The following ANO2 variants were observed in gnomAD, a reference collection of about 807,000 sequenced individuals.
ANO2 encodes anoctamin 2, also known as anoctamin-2.
In ANO2, 101 loss-of-function variants were observed where a neutral mutation model predicts 124.2. The observed-to-expected ratio is 0.81, with a 90% CI of 0.69 to 0.96. ANO2 has a LOEUF of 0.96. Among genes scored for constraint, ANO2 ranks in the 40% least tolerant of loss-of-function variants. ANO2 has a pLI of 0.00. For missense variants in ANO2, 1,293 were observed against 1,274.5 expected (o/e 1.01, Z -0.22); for synonymous variants, 486 against 482.5 (o/e 1.01, Z -0.09).
intron 7 of ANO2, among the ~76,000 whole-genome samples, chr12:5,813,694 G>A (rs1031082523): frequency 1.3e-5 from 2 of 152,002 alleles, no homozygotes; most frequent in Admixed American, 6.5e-5. Flanking sequence ...CGGACATCAC[G>A]CAACCCCAAG....
At chr12:5,734,943 C>G (rs1471195380) in intron 13 of ANO2, among the ~76,000 whole-genome samples, 1 of 152,346 alleles carries the variant, frequency 6.6e-6, no homozygotes, top group South Asian at 2.1e-4. Flanking sequence ...AACCACTGCA[C>G]CCGGCCATAA....
At chr12:5,799,257 A>G (rs990703314) in intron 10 of ANO2, among the ~76,000 whole-genome samples, 6 of 152,170 alleles carry the variant, frequency 3.9e-5, no homozygotes, top group South Asian at 2.1e-4. Context: ...AAAGAGACCA[A>G]TGTTGAAGAC....
intron 14 of ANO2, among the ~76,000 whole-genome samples, chr12:5,656,748 T>G (rs1055672519): frequency 6.6e-6 from 1 of 152,240 alleles, no homozygotes; most frequent in Non-Finnish European, 1.5e-5. Flanking sequence ...TATCAGGACC[T>G]CAGTTCTGAA....
intron 14 of ANO2, among the ~76,000 whole-genome samples, chr12:5,712,237 G>A (rs1949844924): frequency 6.6e-6 from 1 of 151,926 alleles, no homozygotes; most frequent in Admixed American, 6.6e-5. Flanking sequence ...CCCACTAAAT[G>A]ATAGGCCCGG....
intron 20 of ANO2, among the ~76,000 whole-genome samples, chr12:5,588,090 C>T (rs1054875134): frequency 6.8e-6 from 1 of 147,172 alleles, no homozygotes; most frequent in African/African-American, 2.7e-5. Flanking sequence ...ATCACCATGT[C>T]AAGCACACCA....
intron 3 of ANO2, among the ~76,000 whole-genome samples, chr12:5,907,174 G>T (rs1940757913): frequency 6.6e-6 from 1 of 152,146 alleles, no homozygotes; most frequent in Non-Finnish European, 1.5e-5. Context: ...AGAAATGAAT[G>T]ATGTCGTTTT....
At chr12:5,673,052 T>C (rs1359829451) in intron 14 of ANO2, among the ~76,000 whole-genome samples, 2 of 152,186 alleles carry the variant, frequency 1.3e-5, no homozygotes, top group African/African-American at 2.4e-5. Context: ...CCACTCCCCA[T>C]AGGTAACCAT....
At chr12:5,650,749 A>T (rs2136959660) in intron 14 of ANO2, among the ~76,000 whole-genome samples, 1 of 152,348 alleles carries the variant, frequency 6.6e-6, no homozygotes, top group South Asian at 2.1e-4. Context: ...CAGGACATCC[A>T]AGTTCTGAAC....
intron 15 of ANO2, among the ~76,000 whole-genome samples, chr12:5,642,608 G>C (rs1946438790): frequency 6.6e-6 from 1 of 152,030 alleles, no homozygotes; most frequent in South Asian, 2.1e-4. Context: ...CTTTCTACCA[G>C]CATTTTCTCA....
At chr12:5,819,552 T>G (rs1369769174) in intron 7 of ANO2, among the ~76,000 whole-genome samples, 1 of 152,168 alleles carries the variant, frequency 6.6e-6, no homozygotes, top group African/African-American at 2.4e-5. Context: ...TGTGGTGAGC[T>G]GAAAATGCCT....
intron 10 of ANO2, among the ~76,000 whole-genome samples, chr12:5,774,628 T>C (rs962843721): frequency 6.6e-6 from 1 of 152,214 alleles, no homozygotes; most frequent in Non-Finnish European, 1.5e-5. Context: ...CGGGCAATGT[T>C]GGTGTTAATG....
intron 1 of ANO2, among the ~76,000 whole-genome samples, chr12:5,939,813 G>A (rs1193655944): frequency 1.2e-4 from 19 of 152,180 alleles, no homozygotes; most frequent in African/African-American, 4.3e-4. Context: ...AACTGTAAGG[G>A]AGGCTAGGAA....
intron 10 of ANO2, among the ~76,000 whole-genome samples, chr12:5,788,838 C>T (rs1382699621): frequency 6.6e-6 from 1 of 152,188 alleles, no homozygotes; most frequent in East Asian, 1.9e-4. Context: ...GGATTACAGG[C>T]GTGAGCCACC....
chr12:5,661,893 C>T (rs1591840471), intron 14 of ANO2, among the ~76,000 whole-genome samples: 1 of 152,356 alleles, frequency 6.6e-6, no homozygotes, highest in African/African-American at 2.4e-5. Context: ...TGAACAGATT[C>T]TCTGAGAGGA....
chr12:5,655,077 C>G (rs114291671), intron 14 of ANO2, among the ~76,000 whole-genome samples: 4 of 152,150 alleles, frequency 2.6e-5, no homozygotes, highest in African/African-American at 9.7e-5. Flanking sequence ...CCTCTCTCTA[C>G]GCAAGTCCCC....
chr12:5,920,874 A>T (rs936303614), intron 3 of ANO2, among the ~76,000 whole-genome samples, 166 bp downstream of exon 3: 14 of 151,970 alleles, frequency 9.2e-5, no homozygotes, highest in South Asian at 2.1e-4. Context: ...CTCAAAAAAA[A>T]TTTTTTTTAA....
At chr12:5,807,237 C>T (rs71579288) in intron 8 of ANO2, 76 bp downstream of exon 8, 20,447 of 1,330,080 alleles carry the variant, frequency 0.015, 214 homozygotes, top group South Asian at 0.036. Flanking sequence ...ATTCACCCAT[C>T]TCACTGCCAC....
intron 5 of ANO2, among the ~76,000 whole-genome samples, chr12:5,830,788 T>C (rs906998766): frequency 1.1e-4 from 17 of 152,206 alleles, no homozygotes; most frequent in African/African-American, 3.9e-4. Context: ...ATCTATAGGA[T>C]AGGGTATCAT....
intron 3 of ANO2, among the ~76,000 whole-genome samples, chr12:5,857,840 GC>G (rs1955153055): frequency 6.6e-6 from 1 of 152,104 alleles, no homozygotes; most frequent in Admixed American, 6.5e-5. Context: ...ATAGTACTCA[GC>G]CATAAAAAGA....
Sources: gnomAD v4.1 joint callset for allele counts (sites outside exome capture counted in the v4.1 genomes callset) on GRCh38, gnomAD v4.1.1 for gene constraint, MANE v1.5 for transcripts, NCBI Gene and HGNC (gene_info 2026-07-23, HGNC 2026-07-21) for gene names.